SMOX: variants seen among roughly 807,000 people sequenced by gnomAD.
SMOX encodes flavin containing amine oxidase.
SMOX carries 22 observed loss-of-function variants against 51.0 expected under a neutral mutation model. The observed-to-expected ratio is 0.43, with a 90% CI of 0.31 to 0.62. The LOEUF is 0.62. Among genes scored for constraint, SMOX ranks in the 20% least tolerant of loss-of-function variants. The pLI is 0.10. For missense variants in SMOX, 566 were observed against 777.7 expected (o/e 0.73, Z 3.24); for synonymous variants, 282 against 307.8 (o/e 0.92, Z 0.88).
intron 6 of SMOX, among the ~76,000 whole-genome samples, chr20:4,184,001 G>C (rs906083618): frequency 1.3e-5 from 2 of 151,390 alleles, no homozygotes; most frequent in South Asian, 4.2e-4. Context: ...TTTGAGACAG[G>C]GTCTTGCTCT....
chr20:4,157,994 G>A (rs539831756), intron 1 of SMOX, among the ~76,000 whole-genome samples: 24 of 151,980 alleles, frequency 1.6e-4, no homozygotes, highest in Admixed American at 3.3e-4. Flanking sequence ...TCCGCCTCCC[G>A]GGTTCACGCC....
intron 1 of SMOX, among the ~76,000 whole-genome samples, chr20:4,155,962 G>A (rs1986003703): frequency 1.3e-5 from 2 of 152,210 alleles, no homozygotes; most frequent in African/African-American, 2.4e-5. Context: ...AGGAGGGCAA[G>A]GCCAAGCCAA....
chr20:4,151,365 T>G (rs1985752988), intron 1 of SMOX, among the ~76,000 whole-genome samples: 2 of 152,198 alleles, frequency 1.3e-5, no homozygotes, highest in South Asian at 4.1e-4. Flanking sequence ...ATAGAAACTT[T>G]TGATAGGACC....
chr20:4,159,199 C>T (rs1600799777), intron 1 of SMOX, among the ~76,000 whole-genome samples: 1 of 152,190 alleles, frequency 6.6e-6, no homozygotes, highest in Middle Eastern at 3.4e-3. Context: ...GCAACCTCTG[C>T]CCCCTGGGTT....
intron 6 of SMOX, among the ~76,000 whole-genome samples, chr20:4,184,499 T>TAA (rs11471728): frequency 0.52 from 77,554 of 149,298 alleles, 20,237 homozygotes; most frequent in African/African-American, 0.6. Flanking sequence ...AACTGTACAC[T>TAA]AAAAAAAAAA....
chr20:4,172,665 C>G lies in SMOX; in HGVS notation c.-26-2365C>G, dbSNP rs1255049071. Among the ~76,000 whole-genome samples the G allele has an allele frequency of 6.6e-6, 1 of 152,080 alleles. No homozygotes were observed. The highest frequency in any genetic ancestry group is 1.5e-5 in the Non-Finnish European group (1 of 68,016). On this transcript the variant is annotated intron_variant, in intron 1 of 6. Transcript: ENST00000305958. This position sits in a 1 kb window ranked among gnomAD's most constrained non-coding sequence, Gnocchi z 7.7. Reference sequence around the variant, plus strand: ...GGAAGGGGAGCGGGAGCCCTTGCCTCCGAACTGGACGCTGCCCGGATGTGG... The same window carrying G: ...GGAAGGGGAGCGGGAGCCCTTGCCTGCGAACTGGACGCTGCCCGGATGTGG...
In SMOX at chr20:4,170,157, G is replaced by C. The variant is rs1986761341; in HGVS notation, c.-26-4873G>C. 6.6e-6 allele frequency among the ~76,000 whole-genome samples: 1 copy of C among 151,972 alleles called. No individual in the cohort carries two copies. The highest frequency in any genetic ancestry group is 2.1e-4 in the South Asian group (1 of 4,806). On this transcript the variant is annotated intron_variant, in intron 1 of 6. Coordinates refer to ENST00000305958, the MANE Select transcript of SMOX (RefSeq NM_175839.3). This position sits in a 1 kb window ranked among gnomAD's most constrained non-coding sequence, Gnocchi z 4.6. ...GGGTGAGGCTCACATAGAGGAGGCG[G>C]GGTGGGGGGGTGCTTCTGGCGCAGT...
rs1306794261 is a variant in SMOX, at chr20:4,181,996, T to A, written c.609+20T>A. 1 of 1,612,264 alleles carries A rather than the reference T, an allele frequency of 6.2e-7. No individual in the cohort carries two copies. Among genetic ancestry groups the A allele is most frequent in the South Asian group, 1.1e-5 (1 of 90,856 alleles). On this transcript the variant is annotated intron_variant, in intron 4 of 6. Transcript: ENST00000305958. This position sits in a 1 kb window ranked among gnomAD's most constrained non-coding sequence, Gnocchi z 5.6. ...CTGAAGGTATCTTGAGGAAGACGGATTCTGGGGGCGTCTGGGTCTGAGGAG... is the reference window on the plus strand; with the variant it reads ...CTGAAGGTATCTTGAGGAAGACGGAATCTGGGGGCGTCTGGGTCTGAGGAG...
At chr20:4,158,036 G>A (rs1423697177) in intron 1 of SMOX, among the ~76,000 whole-genome samples, 4 of 151,034 alleles carry the variant, frequency 2.6e-5, no homozygotes, top group South Asian at 2.1e-4. Flanking sequence ...GAGTAGCTGG[G>A]ACTACAGGCG....
At chr20:4,175,543 G>A (rs1978771038) in intron 2 of SMOX, among the ~76,000 whole-genome samples, 1 of 152,188 alleles carries the variant, frequency 6.6e-6, no homozygotes, top group Non-Finnish European at 1.5e-5. Flanking sequence ...TCTTGGTACT[G>A]AGTGGGCAAG....
chr20:4,175,342 CATT>C lies in SMOX; in HGVS notation c.208+83_208+85del, dbSNP rs1332475488. 6.1e-6 allele frequency: 9 copies of C among 1,471,578 alleles called. No homozygotes were observed. The East Asian group carries it at 2.1e-4, about 34-fold the overall frequency. The allele number at this position is 1,471,578 out of a possible 1,614,324, so 91.2% of individuals were successfully genotyped here. On this transcript the variant is annotated intron_variant, in intron 2 of 6. Transcript: ENST00000305958. ...TAATTCCCGGCTCTGCCTGAAATCTCATTATTTTAACTTCTGGGATAAATGTTC... is the reference window on the plus strand; with the variant it reads ...TAATTCCCGGCTCTGCCTGAAATCTCATTTTAACTTCTGGGATAAATGTTC...
rs1212232423 is a variant in SMOX at position 4,175,273 on chromosome 20, A to C, written c.208+10A>C. 1.2e-6 allele frequency: 2 copies of C among 1,612,942 alleles called. No individual in the cohort carries two copies. Among genetic ancestry groups the C allele is most frequent in the Non-Finnish European group, 8.5e-7 (1 of 1,179,166 alleles). ...CAGAGTGTGAAACTTGGTAAGTGCC[A>C]CCCAGTCCAGCCCAGCCACCTCCCC... is the stretch of plus-strand genomic sequence containing the variant. On this transcript the variant is annotated intron_variant, in intron 2 of 6. Coordinates refer to ENST00000305958, the MANE Select transcript of SMOX (RefSeq NM_175839.3).
At chr20:4,162,856 C>T (rs1400428030) in intron 1 of SMOX, among the ~76,000 whole-genome samples, 1 of 152,188 alleles carries the variant, frequency 6.6e-6, no homozygotes, top group Non-Finnish European at 1.5e-5. Flanking sequence ...GGAGCAGTCC[C>T]AGCGCAGAGG....
rs1211844922 is a variant in SMOX, at chr20:4,181,741, G to A, written c.436-62G>A. The stretch of plus-strand genomic sequence containing the variant: ...GGGAACTGGTGGGTTTGGGTTGGGG[G>A]CCTTCTGTTTGAGATGGAGGTGTGA... On this transcript the variant is annotated intron_variant, in intron 3 of 6. Transcript: ENST00000305958. This position sits in a 1 kb window ranked among gnomAD's most constrained non-coding sequence, Gnocchi z 5.6. 6.4e-7 allele frequency: 1 copy of A among 1,572,102 alleles called. No homozygotes were observed. The highest frequency in any genetic ancestry group is 8.6e-7 in the Non-Finnish European group (1 of 1,156,822).
At position 4,177,595 on chromosome 20, in the gene SMOX, T is replaced by G; in HGVS notation, c.435+18T>G. 6.4e-7 allele frequency: 1 copy of G among 1,563,994 alleles called. No individual in the cohort carries two copies. Among genetic ancestry groups the G allele is most frequent in the Non-Finnish European group, 8.7e-7 (1 of 1,153,180 alleles). ...ACAACGAGGTAAGGTGTGAGCAGAGTAGCTGGGCGTAAGGGCATGGGGAGA... is the reference window on the plus strand; with the variant it reads ...ACAACGAGGTAAGGTGTGAGCAGAGGAGCTGGGCGTAAGGGCATGGGGAGA... On this transcript the variant is annotated intron_variant, in intron 3 of 6. Coordinates refer to ENST00000305958, the MANE Select transcript of SMOX (RefSeq NM_175839.3). The surrounding 1 kb of genome is among the most constrained non-coding windows in gnomAD (Gnocchi z 4.3).
At chr20:4,160,418 G>C (rs780858819) in intron 1 of SMOX, among the ~76,000 whole-genome samples, 6 of 152,208 alleles carry the variant, frequency 3.9e-5, no homozygotes, top group Non-Finnish European at 7.3e-5. Flanking sequence ...GCCTGAGGTC[G>C]GAGCAGGGAT....
intron 1 of SMOX, among the ~76,000 whole-genome samples, chr20:4,161,610 C>G (rs976902097): frequency 6.6e-6 from 1 of 152,162 alleles, no homozygotes; most frequent in Non-Finnish European, 1.5e-5. Context: ...TTCAGCAAGT[C>G]CCCAGGAGGT....
At chr20:4,152,650 G>A (rs2122361018) in intron 1 of SMOX, among the ~76,000 whole-genome samples, 1 of 152,254 alleles carries the variant, frequency 6.6e-6, no homozygotes, top group East Asian at 1.9e-4. Flanking sequence ...GGCATCCTGG[G>A]TGGGAGGAAT....
In SMOX at chr20:4,187,326, C is replaced by T; in HGVS notation, c.1587C>T (p.Thr529=). 2 of 1,614,234 alleles carry T rather than the reference C, an allele frequency of 1.2e-6. No individual in the cohort carries two copies. The highest frequency in any genetic ancestry group is 1.3e-5 in the African/African-American group (1 of 75,064). ...EATHRKYYST[T]HGALLSGQRE... is the part of the protein sequence containing the mutation. ...CCCACCGCAAGTACTATTCCACCAC[C>T]CACGGTGCTCTGCTGTCCGGCCAGC... Residue 529 remains threonine, a synonymous_variant, in exon 7 of 7, where the codon ACC becomes ACT. Coordinates refer to ENST00000305958, the MANE Select transcript of SMOX (RefSeq NM_175839.3). The surrounding 1 kb of genome is among the most constrained non-coding windows in gnomAD (Gnocchi z 4.8).
Sources: allele counts gnomAD v4.1 joint callset (sites outside exome capture counted in the v4.1 genomes callset), GRCh38; gene constraint gnomAD v4.1.1; non-coding constraint Gnocchi (gnomAD v3.1); transcripts MANE v1.5; gene names NCBI Gene and HGNC (gene_info 2026-07-23, HGNC 2026-07-21).